SS18: variants seen among roughly 807,000 people sequenced by gnomAD.
SS18 encodes the protein protein SSXT.
A neutral mutation model predicts 72.5 loss-of-function variants in SS18; 28 were observed. The ratio of observed to expected loss-of-function variants is 0.39; its 90% CI spans 0.29 to 0.53. SS18 has a LOEUF of 0.53. SS18 is among the 20% of genes least tolerant of loss of function. The pLI is 0.76. For missense variants in SS18, 518 were observed against 535.3 expected, an observed-to-expected ratio of 0.97 and a Z score of 0.32; for synonymous variants, 172 against 164.2, an observed-to-expected ratio of 1.05 and a Z score of -0.37.
upstream of SS18, chr18:26,090,820 C>G (rs1598624751): frequency 7.0e-6 from 4 of 570,742 alleles, no homozygotes; most frequent in East Asian, 1.2e-4. Flanking sequence ...CCCCCGAGCT[C>G]TCCTTATGGG....
intron 3 of SS18, among the ~76,000 whole-genome samples, chr18:26,065,706 TAAA>T (rs1359031784): frequency 6.8e-6 from 1 of 147,196 alleles, no homozygotes; most frequent in Non-Finnish European, 1.5e-5. Context: ...CCACAGAGAA[TAAA>T]AAGACAATTT....
intron 10 of SS18, chr18:26,023,563 T>G (rs1171360654): frequency 4.0e-6 from 2 of 497,122 alleles, no homozygotes; most frequent in Non-Finnish European, 7.7e-6. Context: ...GGAAACAATG[T>G]AAGGAAGAAA....
chr18:26,087,598 GT>G, intron 1 of SS18, 21 bp from the exon 2 acceptor site: 2 of 1,453,702 alleles, frequency 1.4e-6, no homozygotes, highest in Non-Finnish European at 9.5e-7. Context: ...ATTAGAAAAG[GT>G]TTAGCATAAA....
intron 4 of SS18, among the ~76,000 whole-genome samples, chr18:26,056,119 G>C (rs553241291): frequency 6.6e-6 from 1 of 152,248 alleles, no homozygotes; most frequent in Non-Finnish European, 1.5e-5. Context: ...CAGGTCATAA[G>C]TGGTTGATAA....
At chr18:26,032,865 C>G (rs1294794545) in intron 9 of SS18, among the ~76,000 whole-genome samples, 1 of 152,030 alleles carries the variant, frequency 6.6e-6, no homozygotes. Flanking sequence ...ATAGCGTTAA[C>G]CAGCACAAGC....
chr18:26,043,078 T>TC (rs759284511), intron 5 of SS18, among the ~76,000 whole-genome samples: 44 of 152,098 alleles, frequency 2.9e-4, no homozygotes, highest in Admixed American at 6.6e-4. Flanking sequence ...TTATTTCTCT[T>TC]CCCCAAAGCC....
intron 1 of SS18, 78 bp downstream of exon 1, chr18:26,090,423 G>A (rs1306501830): frequency 2.1e-6 from 3 of 1,454,650 alleles, no homozygotes; most frequent in African/African-American, 1.4e-5. Context: ...GGTCGACTCC[G>A]GGCCCGGCCC....
intron 3 of SS18, among the ~76,000 whole-genome samples, chr18:26,075,161 T>C (rs2054389741): frequency 6.6e-6 from 1 of 151,836 alleles, no homozygotes; most frequent in African/African-American, 2.4e-5. Flanking sequence ...AACAAAGAAA[T>C]AGAAATATTA....
At chr18:26,085,125 G>C (rs2054594259) in intron 2 of SS18, among the ~76,000 whole-genome samples, 1 of 152,146 alleles carries the variant, frequency 6.6e-6, no homozygotes, top group African/African-American at 2.4e-5. Flanking sequence ...AGCACATACA[G>C]GAATTCTTTG....
At chr18:26,040,164 A>G (rs1020590738) in intron 5 of SS18, among the ~76,000 whole-genome samples, 4 of 152,192 alleles carry the variant, frequency 2.6e-5, no homozygotes, top group Non-Finnish European at 5.9e-5. Context: ...GACATGCAAC[A>G]AGCTGTAGGC....
intron 1 of SS18, among the ~76,000 whole-genome samples, chr18:26,088,267 T>G (rs550915694): frequency 1.0e-3 from 156 of 152,130 alleles, no homozygotes; most frequent in Non-Finnish European, 1.7e-3. Flanking sequence ...CCGAGTTGGT[T>G]TTTCATCATT....
chr18:26,060,482 T>A (rs2054099330), intron 3 of SS18, among the ~76,000 whole-genome samples: 1 of 152,110 alleles, frequency 6.6e-6, no homozygotes, highest in South Asian at 2.1e-4. Flanking sequence ...GATGCTTACA[T>A]AATTGTGAAT....
rs183356556 is a variant in SS18, at chr18:26,052,114, T to A, written c.607+510A>T. On this transcript the variant is annotated intron_variant, in intron 5 of 10. Coordinates refer to ENST00000415083, the MANE Select transcript of SS18 (RefSeq NM_001007559.3). ...AAAGAGAAACATGGTACAATTTCAT[T>A]CTGAGATTGGTAATAAACTTTAATG... is the stretch of plus-strand genomic sequence containing the variant. Among the ~76,000 whole-genome samples the A allele has an allele frequency of 5.9e-5, 9 of 152,314 alleles. No homozygotes were observed. The East Asian group carries it at 1.5e-3, about 26-fold the overall frequency.
intron 3 of SS18, among the ~76,000 whole-genome samples, chr18:26,058,895 A>G (rs960360223): frequency 1.3e-5 from 2 of 152,178 alleles, no homozygotes; most frequent in African/African-American, 4.8e-5. Flanking sequence ...CAAAACAAAC[A>G]AAAAAACAAA....
intron 2 of SS18, among the ~76,000 whole-genome samples, chr18:26,083,037 T>C (rs1454098657): frequency 6.6e-6 from 1 of 152,144 alleles, no homozygotes; most frequent in Non-Finnish European, 1.5e-5. Flanking sequence ...CCTGTTAAGG[T>C]CGAGAGGAGG....
At chr18:26,059,368 GAA>G (rs2054080003) in intron 3 of SS18, among the ~76,000 whole-genome samples, 1 of 151,558 alleles carries the variant, frequency 6.6e-6, no homozygotes, top group African/African-American at 2.4e-5. Flanking sequence ...TTGGACTAAG[GAA>G]AAAAAAGAGT....
intron 4 of SS18, 73 bp from the exon 5 acceptor site, chr18:26,052,918 A>ATT (rs35102280): frequency 9.5e-5 from 114 of 1,206,190 alleles, no homozygotes; most frequent in Non-Finnish European, 1.1e-4. Flanking sequence ...CCTGGAAATA[A>ATT]TTTTTTTTTT....
chr18:26,057,810 A>G, intron 3 of SS18, 68 bp from the exon 4 acceptor site: 1 of 1,423,450 alleles, frequency 7.0e-7, no homozygotes, highest in Non-Finnish European at 9.3e-7. Context: ...AGGGTAAAAG[A>G]GTTGCTTATG....
chr18:26,034,957 A>C (rs1348471936), intron 9 of SS18, 48 bp downstream of exon 9: 1 of 1,579,848 alleles, frequency 6.3e-7, no homozygotes, highest in South Asian at 1.2e-5. Flanking sequence ...ATTTTAAAAC[A>C]ATCAGCACAT....
Sources: allele counts gnomAD v4.1 joint callset (sites outside exome capture counted in the v4.1 genomes callset), GRCh38; gene constraint gnomAD v4.1.1; transcripts MANE v1.5; gene names NCBI Gene and HGNC (gene_info 2026-07-23, HGNC 2026-07-21).